Variants in SOX5 observed in about 807,000 individuals in gnomAD.
SOX5 encodes SRY-box transcription factor 5, also known as transcription factor SOX-5.
SOX5 carries 9 observed loss-of-function variants against 92.0 expected under a neutral mutation model. That is an observed-to-expected ratio of 0.10 (90% CI 0.06 to 0.17). SOX5 has a LOEUF of 0.17. Among genes scored for constraint, SOX5 ranks in the 10% least tolerant of loss-of-function variants. The pLI is 1.00. For synonymous variants in SOX5, 344 were observed against 336.3 expected, an observed-to-expected ratio of 1.02 and a Z score of -0.25; for missense variants, 642 against 944.5, an observed-to-expected ratio of 0.68 and a Z score of 4.20.
intron 3 of SOX5, among the ~76,000 whole-genome samples, chr12:23,826,109 G>A (rs370914513): frequency 6.6e-6 from 1 of 151,852 alleles, no homozygotes; most frequent in Non-Finnish European, 1.5e-5. Flanking sequence ...GTGCCATGCT[G>A]GTGTGCTGCA....
Position 23,648,020 on chromosome 12 carries a change from T to C in SOX5, c.932-7123A>G, listed in dbSNP as rs769373443. On this transcript the variant is annotated intron_variant, in intron 7 of 14. Transcript: ENST00000451604. Reference sequence around the variant, plus strand: ...CTGCCCCATCTTTTGACACACCTTCTTCATCAAGCTCAATCATTTCTAGCT... The same window carrying C: ...CTGCCCCATCTTTTGACACACCTTCCTCATCAAGCTCAATCATTTCTAGCT... Among the ~76,000 whole-genome samples, 55 of 152,220 alleles carry C rather than the reference T, an allele frequency of 3.6e-4. 1 individual carries two copies. The highest frequency in any genetic ancestry group is 2.5e-4 in the Non-Finnish European group (17 of 68,040).
chr12:24,363,585 T>C (rs900131515), intron 2 of SOX5, among the ~76,000 whole-genome samples: 1 of 152,178 alleles, frequency 6.6e-6, no homozygotes, highest in Non-Finnish European at 1.5e-5. Context: ...ATCTAATTTA[T>C]AAAGTGCCTA....
chr12:23,886,490 T>G (rs900158274), intron 2 of SOX5, among the ~76,000 whole-genome samples: 2 of 152,172 alleles, frequency 1.3e-5, no homozygotes, highest in African/African-American at 4.8e-5. Context: ...CTTACAGATT[T>G]CATTCTAGTT....
intron 1 of SOX5, among the ~76,000 whole-genome samples, chr12:23,906,526 G>A (rs999632598): frequency 4.6e-5 from 7 of 152,092 alleles, no homozygotes; most frequent in Non-Finnish European, 7.4e-5. Flanking sequence ...GGAGTCATAC[G>A]GCTGGTCTCT....
intron 3 of SOX5, among the ~76,000 whole-genome samples, chr12:24,271,383 C>T (rs1372685374): frequency 1.3e-5 from 2 of 152,180 alleles, no homozygotes; most frequent in Non-Finnish European, 2.9e-5. Flanking sequence ...TGAACTTTAA[C>T]AACGACTTGT....
At chr12:23,581,840 G>A (rs556164421) in intron 9 of SOX5, among the ~76,000 whole-genome samples, 73 of 151,716 alleles carry the variant, frequency 4.8e-4, no homozygotes, top group African/African-American at 1.7e-3. Context: ...TCAATATAAT[G>A]TTTCATTTAT....
intron 1 of SOX5, among the ~76,000 whole-genome samples, chr12:24,408,216 G>A (rs1433487891): frequency 6.6e-6 from 1 of 152,158 alleles, no homozygotes; most frequent in Non-Finnish European, 1.5e-5. Flanking sequence ...CATGGAAAGC[G>A]CCAAAAGACG....
At chr12:23,743,133 C>T (rs1004756419) in intron 4 of SOX5, among the ~76,000 whole-genome samples, 1 of 151,878 alleles carries the variant, frequency 6.6e-6, no homozygotes, top group Non-Finnish European at 1.5e-5. Context: ...GACATGGGAT[C>T]TAGTTTATGA....
rs1591789341 is a variant in SOX5 at position 23,529,555 on chromosome 12, A to G, written c.*4664T>C. 2 of 152,272 alleles carry G rather than the reference A, an allele frequency of 1.3e-5. No homozygotes were observed. Among genetic ancestry groups the G allele is most frequent in the African/African-American group, 4.8e-5 (2 of 41,568 alleles). 9.4% of individuals were successfully genotyped at this position (152,272 alleles called of 1,614,324 possible). ...GGTGCCTTGCATGGCAGTAATACTG[A>G]AAAAGGAGAATGCAAAAAAATAAAA... On this transcript the variant is annotated 3_prime_UTR_variant, in exon 15 of 15. Coordinates refer to ENST00000451604, the MANE Select transcript of SOX5 (RefSeq NM_006940.6).
chr12:23,658,646 C>G (rs1303540205), intron 7 of SOX5, among the ~76,000 whole-genome samples: 2 of 152,150 alleles, frequency 1.3e-5, no homozygotes, highest in Admixed American at 1.3e-4. Flanking sequence ...AATCCTAACA[C>G]TTTGGGAGGC....
chr12:24,260,671 G>T (rs1238087758), intron 3 of SOX5, among the ~76,000 whole-genome samples: 1 of 152,152 alleles, frequency 6.6e-6, no homozygotes, highest in East Asian at 1.9e-4. Flanking sequence ...TCATAATGTT[G>T]TGAAGAGGTT....
chr12:23,967,252 T>C (rs1947697453), intron 4 of SOX5, among the ~76,000 whole-genome samples: 2 of 152,132 alleles, frequency 1.3e-5, no homozygotes, highest in Admixed American at 6.5e-5. Flanking sequence ...TTTTAAATTA[T>C]AATGTGAAAA....
chr12:23,917,749 C>A (rs1045018506), intron 1 of SOX5, among the ~76,000 whole-genome samples: 1 of 151,996 alleles, frequency 6.6e-6, no homozygotes, highest in Non-Finnish European at 1.5e-5. Flanking sequence ...TTTCTGGTTC[C>A]TCTTACTGCT....
chr12:23,978,660 C>A (rs1272683555), intron 4 of SOX5, among the ~76,000 whole-genome samples: 1 of 152,082 alleles, frequency 6.6e-6, no homozygotes, highest in Admixed American at 6.6e-5. Context: ...AAGCCAATGG[C>A]AACTCAGATT....
intron 4 of SOX5, among the ~76,000 whole-genome samples, chr12:24,037,929 G>T (rs1039230): frequency 6.6e-6 from 1 of 152,022 alleles, no homozygotes; most frequent in Non-Finnish European, 1.5e-5. Context: ...GATAGTAACC[G>T]AAACTTGACA....
chr12:23,902,380 G>A (rs1032549261), intron 1 of SOX5, among the ~76,000 whole-genome samples: 5 of 151,964 alleles, frequency 3.3e-5, no homozygotes, highest in Admixed American at 3.3e-4. Flanking sequence ...CCTTCTACTG[G>A]TTGTTCTTTC....
At chr12:24,055,917 A>G (rs1958051082) in intron 4 of SOX5, among the ~76,000 whole-genome samples, 1 of 152,186 alleles carries the variant, frequency 6.6e-6, no homozygotes. Context: ...TACATTACTT[A>G]TCAATTAACA....
rs1169319991 is a variant in SOX5, at chr12:24,541,682, CA to C, written c.-251+20646del. Among the ~76,000 whole-genome samples the C allele has an allele frequency of 3.3e-5, 5 of 152,152 alleles. No individual in the cohort carries two copies. The East Asian group carries it at 9.6e-4, about 29-fold the overall frequency. On this transcript the variant is annotated intron_variant, in intron 1 of 4. Transcript: ENST00000446891. The stretch of plus-strand genomic sequence containing the variant: ...CACTTGTTGTCCTTTCAAAGAAAGT[CA>C]ATAGCATGGTACAAGCTTAAAAGAA...
At position 23,843,554 on chromosome 12, in the gene SOX5, C is replaced by CTTTTTTTTTTTTTTTTTTT. The variant is rs71059931; in HGVS notation, c.481+2410_481+2428dup. Among the ~76,000 whole-genome samples, 9 of 71,332 alleles carry CTTTTTTTTTTTTTTTTTTT rather than the reference C, an allele frequency of 1.3e-4. 3 individuals are homozygous for CTTTTTTTTTTTTTTTTTTT. In the East Asian group the frequency reaches 5.6e-3, roughly 44 times the overall value. 46.8% of individuals were successfully genotyped at this position (71,332 alleles called of 152,430 possible). A position where few individuals can be genotyped will look rare whatever the true frequency, so the allele number is the denominator to read the frequency against. ...TCAGAATATTTGACAGTCATTTCTC[C>CTTTTTTTTTTTTTTTTTTT]TTTTTTTTTTTTTTTTTTTTTTTTT... On this transcript the variant is annotated intron_variant, in intron 3 of 14. Transcript: ENST00000451604.
Sources: allele counts gnomAD v4.1 joint callset (sites outside exome capture counted in the v4.1 genomes callset), GRCh38; gene constraint gnomAD v4.1.1; transcripts MANE v1.5; gene names NCBI Gene and HGNC (gene_info 2026-07-23, HGNC 2026-07-21).